NRG1: variants seen among roughly 807,000 people sequenced by gnomAD.
NRG1 encodes the protein pro-neuregulin-1, membrane-bound isoform.
In NRG1, 18 loss-of-function variants were observed where a neutral mutation model predicts 63.8. The observed-to-expected ratio is 0.28, with a 90% CI of 0.19 to 0.42. The LOEUF (loss-of-function observed/expected upper bound fraction) is 0.42. Among genes scored for constraint, NRG1 ranks in the 10% least tolerant of loss-of-function variants. NRG1 has a pLI of 1.00. For missense variants in NRG1, 762 were observed against 814.7 expected (o/e 0.94, Z 0.79); for synonymous variants, 302 against 301.3 (o/e 1.00, Z -0.02).
At chr8:31,760,923 A>G (rs1217396517) in intron 1 of NRG1, among the ~76,000 whole-genome samples, 2 of 152,128 alleles carry the variant, frequency 1.3e-5, no homozygotes, top group Admixed American at 6.5e-5. Flanking sequence ...AACTAGAAAT[A>G]CCATTTGACC....
At chr8:31,887,057 A>T (rs959055571) in intron 1 of NRG1, among the ~76,000 whole-genome samples, 5 of 152,098 alleles carry the variant, frequency 3.3e-5, no homozygotes, top group Non-Finnish European at 5.9e-5. Context: ...GGTTTAGATC[A>T]GCTTAGGAAA....
intron 1 of NRG1, among the ~76,000 whole-genome samples, chr8:31,927,915 G>A (rs1462832814): frequency 6.8e-6 from 1 of 147,714 alleles, no homozygotes; most frequent in African/African-American, 2.5e-5. Context: ...TGTGCACAAC[G>A]TGCAGGTTTG....
intron 1 of NRG1, among the ~76,000 whole-genome samples, chr8:31,693,043 C>A (rs1029800733): frequency 6.6e-6 from 1 of 152,104 alleles, no homozygotes; most frequent in Admixed American, 6.5e-5. Context: ...TGGGTGCTGA[C>A]CTTCAGAAAG....
At chr8:32,059,824 A>G (rs1323180156) in intron 1 of NRG1, among the ~76,000 whole-genome samples, 6 of 151,792 alleles carry the variant, frequency 4.0e-5, no homozygotes, top group African/African-American at 1.4e-4. Flanking sequence ...CTTTATTTCT[A>G]TCTTTTCTTT....
intron 1 of NRG1, among the ~76,000 whole-genome samples, chr8:32,298,653 G>T (rs1030097372): frequency 6.7e-6 from 1 of 149,392 alleles, no homozygotes; most frequent in African/African-American, 2.5e-5. Flanking sequence ...GGCGGAGGTT[G>T]CAGTGAGCCG....
rs78302734 is a variant in NRG1 at position 32,073,592 on chromosome 8, G to A, written c.37+434161G>A. Among the ~76,000 whole-genome samples the A allele has an allele frequency of 4.6e-3, 704 of 152,154 alleles. 6 individuals carry two copies. The highest frequency in any genetic ancestry group is 0.016 in the African/African-American group (668 of 41,524). On this transcript the variant is annotated intron_variant, in intron 1 of 10. Transcript: ENST00000519301. Reference sequence around the variant, plus strand: ...GACAGATGATGTGTCTAATACCACCGTTGTTTTACAGAAGGGAAATCTAAG... The same window carrying A: ...GACAGATGATGTGTCTAATACCACCATTGTTTTACAGAAGGGAAATCTAAG...
chr8:31,922,569 G>T (rs1393883076), intron 1 of NRG1, among the ~76,000 whole-genome samples: 1 of 152,122 alleles, frequency 6.6e-6, no homozygotes, highest in Non-Finnish European at 1.5e-5. Context: ...AGACCTCTAG[G>T]TTTACTTTTA....
chr8:32,651,522 C>A (rs1243590323), intron 5 of NRG1, among the ~76,000 whole-genome samples: 1 of 152,026 alleles, frequency 6.6e-6, no homozygotes, highest in African/African-American at 2.4e-5. Flanking sequence ...TAAATTATAG[C>A]CAGGAAACAG....
chr8:31,945,580 A>G (rs1802418537), intron 1 of NRG1, among the ~76,000 whole-genome samples: 1 of 152,076 alleles, frequency 6.6e-6, no homozygotes, highest in East Asian at 1.9e-4. Context: ...AGCCTGTAAA[A>G]GTTAGATTTG....
At chr8:31,708,840 A>G (rs570630131) in intron 1 of NRG1, among the ~76,000 whole-genome samples, 2 of 152,052 alleles carry the variant, frequency 1.3e-5, no homozygotes, top group East Asian at 3.9e-4. Context: ...ACCCTTGAAC[A>G]ATGGGGTTAG....
At chr8:32,394,725 T>G (rs1812223382) in intron 1 of NRG1, among the ~76,000 whole-genome samples, 1 of 152,134 alleles carries the variant, frequency 6.6e-6, no homozygotes, top group Non-Finnish European at 1.5e-5. Context: ...GTTCTCCTTC[T>G]CCCCCTTCAT....
intron 1 of NRG1, among the ~76,000 whole-genome samples, chr8:32,344,823 A>T (rs1804674373): frequency 6.6e-6 from 1 of 152,056 alleles, no homozygotes; most frequent in Non-Finnish European, 1.5e-5. Context: ...TTGTTAGTAG[A>T]CATTTAGTTT....
At chr8:32,414,304 A>G (rs1351443108) in intron 1 of NRG1, among the ~76,000 whole-genome samples, 1 of 152,184 alleles carries the variant, frequency 6.6e-6, no homozygotes, top group Non-Finnish European at 1.5e-5. Context: ...GAGTCTGTTC[A>G]GCTCGAAGCT....
chr8:32,299,579 C>T (rs1159687802), intron 1 of NRG1, among the ~76,000 whole-genome samples: 1 of 152,142 alleles, frequency 6.6e-6, no homozygotes, highest in Non-Finnish European at 1.5e-5. Flanking sequence ...AGTCTGTTCT[C>T]ATGCTGCTAA....
chr8:31,830,166 A>C (rs1190406910), intron 1 of NRG1, among the ~76,000 whole-genome samples: 1 of 152,202 alleles, frequency 6.6e-6, no homozygotes, highest in Admixed American at 6.5e-5. Context: ...AGTAGTTACC[A>C]AAAAAAGAAT....
intron 2 of NRG1, among the ~76,000 whole-genome samples, chr8:32,599,487 C>A (rs1203131785): frequency 6.6e-6 from 1 of 151,984 alleles, no homozygotes; most frequent in Non-Finnish European, 1.5e-5. Flanking sequence ...AAAATCTTAC[C>A]CTTGTTTTGC....
At chr8:31,788,512 G>A (rs1820393252) in intron 1 of NRG1, among the ~76,000 whole-genome samples, 1 of 152,086 alleles carries the variant, frequency 6.6e-6, no homozygotes, top group Non-Finnish European at 1.5e-5. Context: ...GCAAAGAACA[G>A]TACCCCTCAG....
chr8:32,300,798 T>C (rs560769745), intron 1 of NRG1, among the ~76,000 whole-genome samples: 115 of 152,344 alleles, frequency 7.5e-4, no homozygotes, highest in African/African-American at 2.7e-3. Context: ...CCAGTATATG[T>C]TGTTTTCGAG....
chr8:32,201,353 G>T (rs1030401371), intron 1 of NRG1, among the ~76,000 whole-genome samples: 1 of 152,110 alleles, frequency 6.6e-6, no homozygotes, highest in Non-Finnish European at 1.5e-5. Context: ...CTCACAATAG[G>T]TGCCGGACTC....
Sources: gnomAD v4.1 joint callset for allele counts (sites outside exome capture counted in the v4.1 genomes callset) on GRCh38, gnomAD v4.1.1 for gene constraint, MANE v1.5 for transcripts, NCBI Gene and HGNC (gene_info 2026-07-23, HGNC 2026-07-21) for gene names.